NRG3: variants seen among roughly 807,000 people sequenced by gnomAD.
The protein encoded by NRG3 is pro-neuregulin-3, membrane-bound isoform.
NRG3 carries 31 observed loss-of-function variants against 66.9 expected under a neutral mutation model. The ratio of observed to expected loss-of-function variants is 0.46; its 90% confidence interval spans 0.35 to 0.63. NRG3 has a LOEUF of 0.63. Ranked by LOEUF, NRG3 falls within the 20% of genes least tolerant of loss-of-function variation. The pLI is 0.00. For missense variants in NRG3, 910 were observed against 878.9 expected, an observed-to-expected ratio of 1.04 and a Z score of -0.45; for synonymous variants, 393 against 359.4, an observed-to-expected ratio of 1.09 and a Z score of -1.06.
intron 1 of NRG3, among the ~76,000 whole-genome samples, chr10:82,085,358 G>A (rs185545659): frequency 6.6e-6 from 1 of 152,186 alleles, no homozygotes; most frequent in Admixed American, 6.5e-5. Flanking sequence ...AGGGTGTTGT[G>A]GTCTCTTTTG....
chr10:82,954,720 A>G (rs1849868160), intron 5 of NRG3, among the ~76,000 whole-genome samples: 2 of 151,160 alleles, frequency 1.3e-5, no homozygotes. Flanking sequence ...TCTTTGCTTG[A>G]GAGAAATGCC....
At chr10:82,185,275 T>C (rs2073730025) in intron 1 of NRG3, among the ~76,000 whole-genome samples, 1 of 152,124 alleles carries the variant, frequency 6.6e-6, no homozygotes, top group Admixed American at 6.6e-5. Flanking sequence ...AAATGAAAAA[T>C]GTAAGATGCT....
chr10:82,482,800 T>A (rs1564974256), intron 2 of NRG3, among the ~76,000 whole-genome samples: 1 of 152,080 alleles, frequency 6.6e-6, no homozygotes. Flanking sequence ...AGAGGTGCAA[T>A]TATGGGAGGA....
intron 2 of NRG3, among the ~76,000 whole-genome samples, chr10:82,394,144 C>T (rs1398107607): frequency 2.0e-5 from 3 of 152,146 alleles, no homozygotes; most frequent in Non-Finnish European, 1.5e-5. Flanking sequence ...AGACACAGAG[C>T]TAACAGGAAG....
chr10:82,843,261 G>A (rs2063149200), intron 3 of NRG3: 2 of 454,950 alleles, frequency 4.4e-6, no homozygotes, highest in South Asian at 3.1e-5. Context: ...ATTATGTCAT[G>A]AGGGTTACAC....
At chr10:82,479,743 G>A (rs1375374357) in intron 2 of NRG3, among the ~76,000 whole-genome samples, 1 of 151,480 alleles carries the variant, frequency 6.6e-6, no homozygotes, top group East Asian at 1.9e-4. Flanking sequence ...CGAGGCGGGC[G>A]GATCACGAGG....
chr10:82,440,237 T>C (rs1468907602), intron 2 of NRG3, among the ~76,000 whole-genome samples: 3 of 151,962 alleles, frequency 2.0e-5, no homozygotes, highest in Admixed American at 1.3e-4. Context: ...AATTTGCCCA[T>C]ATTTTTTGAA....
intron 1 of NRG3, among the ~76,000 whole-genome samples, chr10:82,069,984 ATATATTTGATT>A (rs2064711348): frequency 2.0e-5 from 3 of 152,198 alleles, no homozygotes; most frequent in Non-Finnish European, 4.4e-5. Context: ...TACTGAGTGA[ATATATTTGATT>A]AAACACCATC....
chr10:82,080,233 C>G (rs528466932), intron 1 of NRG3, among the ~76,000 whole-genome samples: 16 of 152,140 alleles, frequency 1.1e-4, no homozygotes, highest in Admixed American at 7.9e-4. Flanking sequence ...GTTTGCATCT[C>G]CTAGGGAGAT....
At chr10:82,068,750 G>A (rs1019588309) in intron 1 of NRG3, among the ~76,000 whole-genome samples, 5 of 152,264 alleles carry the variant, frequency 3.3e-5, no homozygotes, top group African/African-American at 1.2e-4. Flanking sequence ...GAAGAAATGA[G>A]GTCATTTAAG....
intron 2 of NRG3, among the ~76,000 whole-genome samples, chr10:82,475,663 C>T (rs964819963): frequency 5.9e-5 from 9 of 151,964 alleles, no homozygotes; most frequent in African/African-American, 2.2e-4. Flanking sequence ...TAAGTTAGAC[C>T]CTTATCTTAC....
chr10:82,193,840 A>G (rs1245702932), intron 1 of NRG3, among the ~76,000 whole-genome samples: 1 of 152,198 alleles, frequency 6.6e-6, no homozygotes, highest in Non-Finnish European at 1.5e-5. Context: ...AGTAGTCATT[A>G]CCGTAGATAT....
At chr10:82,354,982 G>A (rs1164968121) in intron 1 of NRG3, among the ~76,000 whole-genome samples, 2 of 152,166 alleles carry the variant, frequency 1.3e-5, no homozygotes, top group Non-Finnish European at 2.9e-5. Flanking sequence ...CCATATAATT[G>A]TTTTGAAGGC....
chr10:82,277,853 T>C (rs1168923387), intron 1 of NRG3, among the ~76,000 whole-genome samples: 5 of 152,102 alleles, frequency 3.3e-5, no homozygotes, highest in Non-Finnish European at 5.9e-5. Context: ...GGAAGTGGCA[T>C]AGTATCCCTC....
intron 1 of NRG3, among the ~76,000 whole-genome samples, chr10:82,050,183 A>T (rs2133120118): frequency 6.6e-6 from 1 of 152,158 alleles, no homozygotes; most frequent in Non-Finnish European, 1.5e-5. Flanking sequence ...TGAGTATTAA[A>T]TGTTCACCAA....
intron 2 of NRG3, among the ~76,000 whole-genome samples, chr10:82,723,057 C>T (rs1056582286): frequency 2.0e-5 from 3 of 152,196 alleles, no homozygotes; most frequent in African/African-American, 2.4e-5. Context: ...ACAGCAAAGA[C>T]GTGGAATCAA....
chr10:82,432,987 G>C (rs61864216), intron 2 of NRG3, among the ~76,000 whole-genome samples: 3,829 of 152,272 alleles, frequency 0.025, 89 homozygotes, highest in Admixed American at 0.064. Context: ...CCAGTAATGG[G>C]ATTGCTGGGT....
Position 81,941,066 on chromosome 10 carries a change from C to T in NRG3, c.823+64903C>T, listed in dbSNP as rs115095462. Among the ~76,000 whole-genome samples the T allele has an allele frequency of 3.4e-3, 516 of 152,180 alleles. 2 individuals are homozygous for T. Among genetic ancestry groups the T allele is most frequent in the African/African-American group, 0.011 (477 of 41,540 alleles). ...GAAGCTTTAAAAGTTTAAAATGATA[C>T]TGCAGGGAATTCAAGATGAAAAAGA... On this transcript the variant is annotated intron_variant, in intron 1 of 8. Coordinates refer to ENST00000372141, the MANE Select transcript of NRG3 (RefSeq NM_001010848.4).
intron 1 of NRG3, among the ~76,000 whole-genome samples, chr10:82,140,195 G>C (rs955428602): frequency 6.6e-6 from 1 of 152,028 alleles, no homozygotes; most frequent in African/African-American, 2.4e-5. Context: ...CTTCCTAGTC[G>C]ACTCTTTGCA....
Sources: gnomAD v4.1 joint callset for allele counts (sites outside exome capture counted in the v4.1 genomes callset) on GRCh38, gnomAD v4.1.1 for gene constraint, MANE v1.5 for transcripts, NCBI Gene and HGNC (gene_info 2026-07-23, HGNC 2026-07-21) for gene names.